SLC14A2: variants seen among roughly 807,000 people sequenced by gnomAD.
SLC14A2 encodes the protein urea transporter 2.
In SLC14A2, 91 loss-of-function variants were observed where a neutral mutation model predicts 104.6. The observed-to-expected ratio is 0.87, with a 90% CI of 0.73 to 1.04. The LOEUF (loss-of-function observed/expected upper bound fraction) is 1.04. Among genes scored for constraint, SLC14A2 ranks in the 50% least tolerant of loss-of-function variants. The probability of loss-of-function intolerance (pLI) is 0.00; values close to 1 mark genes in which losing one functional copy is unlikely to be tolerated. For missense variants in SLC14A2, 1,189 were observed against 1,156.0 expected, an observed-to-expected ratio of 1.03 and a Z score of -0.41; for synonymous variants, 476 against 466.4, an observed-to-expected ratio of 1.02 and a Z score of -0.27.
chr18:45,569,063 G>C (rs2543024), intron 2 of SLC14A2, among the ~76,000 whole-genome samples: 122,345 of 152,142 alleles, frequency 0.8, 49,369 homozygotes, highest in Middle Eastern at 0.88. Flanking sequence ...TCTCCCTAAA[G>C]ATTAGGTACC....
chr18:45,673,473 A>G (rs1307197871), intron 17 of SLC14A2, among the ~76,000 whole-genome samples: 1 of 152,208 alleles, frequency 6.6e-6, no homozygotes, highest in Non-Finnish European at 1.5e-5. Flanking sequence ...TCTTCAACCC[A>G]TGCCAGCTTA....
intron 1 of SLC14A2, among the ~76,000 whole-genome samples, chr18:45,434,899 A>G (rs147071822): frequency 6.6e-6 from 1 of 152,354 alleles, no homozygotes; most frequent in African/African-American, 2.4e-5. Flanking sequence ...TCTCTGACAT[A>G]CATAACCATG....
chr18:45,378,550 A>C (rs146733097), intron 1 of SLC14A2, among the ~76,000 whole-genome samples: 9 of 152,206 alleles, frequency 5.9e-5, no homozygotes, highest in African/African-American at 9.6e-5. Flanking sequence ...CCTGAATTCT[A>C]ATTTATTCTT....
At chr18:45,518,096 G>C (rs2043468088) in intron 2 of SLC14A2, among the ~76,000 whole-genome samples, 1 of 152,038 alleles carries the variant, frequency 6.6e-6, no homozygotes, top group African/African-American at 2.4e-5. Context: ...TTATGGAATG[G>C]AATAGGATAT....
At chr18:45,372,688 A>G (rs892695768) in intron 1 of SLC14A2, among the ~76,000 whole-genome samples, 22 of 152,220 alleles carry the variant, frequency 1.4e-4, no homozygotes, top group African/African-American at 5.3e-4. Context: ...CCCAGGGGAT[A>G]CTTGTGCCAA....
At chr18:45,512,324 G>A (rs1216790257) in intron 2 of SLC14A2, among the ~76,000 whole-genome samples, 1 of 151,864 alleles carries the variant, frequency 6.6e-6, no homozygotes, top group Admixed American at 6.6e-5. Context: ...GGAAGGAGTG[G>A]AGAAAAAAAA....
chr18:45,637,037 T>C lies in SLC14A2; in HGVS notation c.698T>C (p.Leu233Pro), dbSNP rs201025763. 3.1e-6 allele frequency: 5 copies of C among 1,614,146 alleles called. No individual in the cohort carries two copies. The African/African-American group carries it at 4.0e-5, about 13-fold the overall frequency. Reference sequence around the variant, plus strand: ...AATTCCATCTTCAGCAAGTGGGACCTCCCGGTCTTCACTCTGCCCTTCAAC... The same window carrying C: ...AATTCCATCTTCAGCAAGTGGGACCCCCCGGTCTTCACTCTGCCCTTCAAC... The part of the protein sequence containing the change: ...ALNSIFSKWD[L>P]PVFTLPFNIA... Residue 233 changes from leucine (L) to proline (P), a missense_variant, in exon 6 of 20, where the codon CTC (leucine) becomes CCC (proline). Transcript: ENST00000255226.
chr18:45,649,179 C>CAAA (rs1165626267), intron 10 of SLC14A2, among the ~76,000 whole-genome samples: 1 of 84,250 alleles, frequency 1.2e-5, no homozygotes, highest in Admixed American at 1.2e-4. Context: ...GTCTCAAAAA[C>CAAA]AAAAAACAAA....
At chr18:45,543,840 C>T (rs1292231232) in intron 2 of SLC14A2, among the ~76,000 whole-genome samples, 1 of 152,192 alleles carries the variant, frequency 6.6e-6, no homozygotes, top group Non-Finnish European at 1.5e-5. Flanking sequence ...ATAAGAGTGG[C>T]TCATTGTGCC....
At chr18:45,269,657 G>A (rs754806729) in intron 1 of SLC14A2, among the ~76,000 whole-genome samples, 14 of 152,080 alleles carry the variant, frequency 9.2e-5, no homozygotes, top group African/African-American at 2.4e-4. Flanking sequence ...TCATAATTGC[G>A]CGTACTATGT....
intron 1 of SLC14A2, among the ~76,000 whole-genome samples, chr18:45,394,521 T>C (rs1457104768): frequency 2.0e-5 from 3 of 152,178 alleles, no homozygotes; most frequent in Non-Finnish European, 2.9e-5. Flanking sequence ...TTTAAGAAAT[T>C]GTCTATTTTT....
At chr18:45,169,802 C>T in the SLC14A2 span, among the ~76,000 whole-genome samples, 1 of 152,134 alleles carries the variant, frequency 6.6e-6, no homozygotes, top group Non-Finnish European at 1.5e-5. Flanking sequence ...AGCTATTGGG[C>T]AATACCATCT....
At chr18:45,438,932 G>A (rs2086640012) in intron 1 of SLC14A2, among the ~76,000 whole-genome samples, 1 of 152,122 alleles carries the variant, frequency 6.6e-6, no homozygotes, top group South Asian at 2.1e-4. Flanking sequence ...TACCTCCAAT[G>A]TTACCTAGGG....
chr18:45,262,723 C>T (rs573481113), intron 1 of SLC14A2, among the ~76,000 whole-genome samples: 87 of 152,246 alleles, frequency 5.7e-4, no homozygotes, highest in African/African-American at 1.9e-3. Flanking sequence ...CCTGAGTACC[C>T]GCTGTCTTAC....
chr18:45,294,602 C>CTAAG (rs1481066515), intron 1 of SLC14A2, among the ~76,000 whole-genome samples: 2 of 152,338 alleles, frequency 1.3e-5, no homozygotes, highest in Non-Finnish European at 2.9e-5. Context: ...TAAGTGCTTA[C>CTAAG]TAAGCTATGT....
chr18:45,556,889 C>T (rs2044139873), intron 2 of SLC14A2, among the ~76,000 whole-genome samples: 1 of 152,128 alleles, frequency 6.6e-6, no homozygotes, highest in Admixed American at 6.6e-5. Context: ...ACTGTTATTG[C>T]CAAAAACTTT....
At chr18:45,666,914 G>C (rs1300657296) in intron 12 of SLC14A2, 21 bp from the exon 13 acceptor site, 1 of 1,609,572 alleles carries the variant, frequency 6.2e-7, no homozygotes, top group Non-Finnish European at 8.5e-7. Context: ...GGAGACTCTT[G>C]CCTATCTCTG....
At chr18:45,636,958 A>G (rs1305460907) in intron 5 of SLC14A2, 32 bp from the exon 6 acceptor site, 1 of 1,580,614 alleles carries the variant, frequency 6.3e-7, no homozygotes, top group Non-Finnish European at 8.7e-7. Flanking sequence ...AGGATGTCAC[A>G]GGGATTAACC....
chr18:45,304,100 G>A (rs564328969), intron 1 of SLC14A2, among the ~76,000 whole-genome samples: 1 of 152,206 alleles, frequency 6.6e-6, no homozygotes, highest in South Asian at 2.1e-4. Context: ...CTAACCTATG[G>A]GCCACCATTC....
Sources: gnomAD v4.1 joint callset for allele counts (sites outside exome capture counted in the v4.1 genomes callset) on GRCh38, gnomAD v4.1.1 for gene constraint, MANE v1.5 for transcripts, NCBI Gene and HGNC (gene_info 2026-07-23, HGNC 2026-07-21) for gene names.